NHLRC4: variants seen among roughly 807,000 people sequenced by gnomAD.
NHLRC4 encodes the protein NHL repeat containing 4, also known as NHL-repeat-containing protein 4.
For missense variants in NHLRC4, 158 were observed against 155.4 expected (o/e 1.02, Z -0.09); for synonymous variants, 73 against 69.0 (o/e 1.06, Z -0.29).
intron 1 of NHLRC4, 140 bp downstream of exon 1, chr16:567,215 C>G (rs571667948): frequency 3.9e-5 from 6 of 152,432 alleles, no homozygotes; most frequent in Admixed American, 3.9e-4. Context: ...ACCGCCCCCC[C>G]GCCGTAGAAA....
Position 568,510 on chromosome 16 carries a change from G to A in NHLRC4, c.*91G>A, listed in dbSNP as rs2035569243. ...GGGAGGAACCCTCAGGATGGGTGGAGCCTCCAGGCTATGGGCATTGCCTGC... is the reference window on the plus strand; with the variant it reads ...GGGAGGAACCCTCAGGATGGGTGGAACCTCCAGGCTATGGGCATTGCCTGC... On this transcript the variant is annotated 3_prime_UTR_variant, in exon 2 of 2. Coordinates refer to ENST00000424439, the MANE Select transcript of NHLRC4 (RefSeq NM_001301159.2). The A allele has an allele frequency of 4.3e-6, 6 of 1,400,412 alleles. No individual in the cohort carries two copies. Among genetic ancestry groups the A allele is most frequent in the Non-Finnish European group, 5.7e-6 (6 of 1,046,274 alleles). The allele number at this position is 1,400,412 out of a possible 1,614,324, so 86.7% of individuals were successfully genotyped here.
chr16:568,389 G>C lies in NHLRC4; in HGVS notation c.342G>C (p.Lys114Asn). Residue 114 changes from lysine to asparagine, a missense_variant, in exon 2 of 2, where the codon AAG (lysine) becomes AAC (asparagine). Lys to Asn is a moderately conservative substitution (Grantham distance 94). Coordinates refer to ENST00000424439, the MANE Select transcript of NHLRC4 (RefSeq NM_001301159.2). ...LVADAKDNSI[K>N]VYQGLKELA ...CTGATGCCAAGGACAACTCCATCAAGGTGTACCAGGGCCTCAAGGAGCTGG... is the reference window on the plus strand; with the variant it reads ...CTGATGCCAAGGACAACTCCATCAACGTGTACCAGGGCCTCAAGGAGCTGG... The C allele has an allele frequency of 6.2e-7, 1 of 1,611,612 alleles. No individual in the cohort carries two copies. Among genetic ancestry groups the C allele is most frequent in the Non-Finnish European group, 8.5e-7 (1 of 1,179,620 alleles).
chr16:567,770 C>T lies in NHLRC4; in HGVS notation c.-278C>T, dbSNP rs186667504. Reference sequence around the variant, plus strand: ...GAGGGACGCCCCATCTGCCTCCTGCCCTGCCGCACTCCGGGGAGCGGGGCC... The same window carrying T: ...GAGGGACGCCCCATCTGCCTCCTGCTCTGCCGCACTCCGGGGAGCGGGGCC... On this transcript the variant is annotated 5_prime_UTR_variant, in exon 2 of 2. Transcript: ENST00000424439. 458 of 436,066 alleles carry T rather than the reference C, an allele frequency of 1.1e-3. 11 individuals carry two copies. The East Asian group carries it at 0.018, about 17-fold the overall frequency. The allele number at this position is 436,066 out of a possible 1,614,324, so 27.0% of individuals were successfully genotyped here. A position where few individuals can be genotyped will look rare whatever the true frequency, so the allele number is the denominator to read the frequency against.
In NHLRC4 at chr16:568,966, G is replaced by A. The variant is rs2097539; in HGVS notation, c.*547G>A. On this transcript the variant is annotated 3_prime_UTR_variant, in exon 2 of 2. Coordinates refer to ENST00000424439, the MANE Select transcript of NHLRC4 (RefSeq NM_001301159.2). ...AGGGACCTAGAGTCCTGAGCCTCCA[G>A]TAGCTTCTCTGGGCCTGGCAGAGGT... 6.0e-6 allele frequency: 1 copy of A among 167,298 alleles called. No individual in the cohort carries two copies. Among genetic ancestry groups the A allele is most frequent in the Non-Finnish European group, 1.4e-5 (1 of 70,300 alleles). 10.4% of individuals were successfully genotyped at this position (167,298 alleles called of 1,614,324 possible).
In NHLRC4 at chr16:568,143, T is replaced by G. The variant is rs750603276; in HGVS notation, c.96T>G (p.Ser32Arg). Residue 32 changes from serine to arginine, a missense_variant, in exon 2 of 2, where the codon AGT becomes AGG. Coordinates refer to ENST00000424439, the MANE Select transcript of NHLRC4 (RefSeq NM_001301159.2). ...TTGGGGATGTGAGGCTGTTTGGCAGTGCCCGCCAACCCCTGGGCTCCCTGG... is the reference window on the plus strand; with the variant it reads ...TTGGGGATGTGAGGCTGTTTGGCAGGGCCCGCCAACCCCTGGGCTCCCTGG... ...EEFGDVRLFG[S>R]ARQPLGSLGG... 2.5e-6 allele frequency: 4 copies of G among 1,607,448 alleles called. No individual in the cohort carries two copies. The East Asian group carries it at 8.9e-5, about 36-fold the overall frequency.
chr16:567,875 T>C lies in NHLRC4; in HGVS notation c.-173T>C. The C allele has an allele frequency of 1.5e-6, 1 of 662,432 alleles. No homozygotes were observed. The highest frequency in any genetic ancestry group is 2.8e-5 in the East Asian group (1 of 35,308). The allele number at this position is 662,432 out of a possible 1,614,324, so 41.0% of individuals were successfully genotyped here. ...CCCATCCATGGGGCTGTCCATGCAC[T>C]CCAGCACACAGCCCGGGACCCCGGG... On this transcript the variant is annotated 5_prime_UTR_variant, in exon 2 of 2. Coordinates refer to ENST00000424439, the MANE Select transcript of NHLRC4 (RefSeq NM_001301159.2).
Position 567,922 on chromosome 16 carries a change from A to G in NHLRC4, c.-126A>G. 1 of 1,034,718 alleles carries G rather than the reference A, an allele frequency of 9.7e-7. No individual in the cohort carries two copies. Among genetic ancestry groups the G allele is most frequent in the Non-Finnish European group, 1.4e-6 (1 of 735,310 alleles). The allele number at this position is 1,034,718 out of a possible 1,614,324, so 64.1% of individuals were successfully genotyped here. A position where few individuals can be genotyped will look rare whatever the true frequency, so the allele number is the denominator to read the frequency against. On this transcript the variant is annotated 5_prime_UTR_variant, in exon 2 of 2. Coordinates refer to ENST00000424439, the MANE Select transcript of NHLRC4 (RefSeq NM_001301159.2). ...CGGGGGCCACTGGGTGACAGTGGGC[A>G]CCTTCCTGTCTCCCCGAGGGCTGGC...
At position 568,207 on chromosome 16, in the gene NHLRC4, A is replaced by G. The variant is rs1287231397; in HGVS notation, c.160A>G (p.Ile54Val). 1 of 1,612,042 alleles carries G rather than the reference A, an allele frequency of 6.2e-7. No individual in the cohort carries two copies. Among genetic ancestry groups the G allele is most frequent in the East Asian group, 2.2e-5 (1 of 44,848 alleles). The stretch of plus-strand genomic sequence containing the variant: ...GCACACTTTCGGCTGCCCAGCGGGC[A>G]TCTGCTCCAACTCAGAGGGCAATGT... ...TGHTFGCPAG[I>V]CSNSEGNVIV... Residue 54 changes from isoleucine to valine, a missense_variant, in exon 2 of 2, where the codon ATC (isoleucine) becomes GTC (valine). Physicochemically the swap from Ile to Val is conservative, Grantham distance 29 (BLOSUM62 3). Transcript: ENST00000424439.
Position 567,623 on chromosome 16 carries a change from T to C in NHLRC4, c.-425T>C, listed in dbSNP as rs2035553605. The C allele has an allele frequency of 5.8e-6, 1 of 172,546 alleles. No individual in the cohort carries two copies. Among genetic ancestry groups the C allele is most frequent in the Non-Finnish European group, 1.3e-5 (1 of 79,220 alleles). The allele number at this position is 172,546 out of a possible 1,614,324, so 10.7% of individuals were successfully genotyped here. A position where few individuals can be genotyped will look rare whatever the true frequency, so the allele number is the denominator to read the frequency against. On this transcript the variant is annotated 5_prime_UTR_variant, in exon 2 of 2. Transcript: ENST00000424439. ...TCCACGGGCTCCCGGCAGCTCCGGC[T>C]GCTTGGGTGGATCCGGGTGCCCGCA...
In NHLRC4 at chr16:568,501, A is replaced by G. The variant is rs1289539765; in HGVS notation, c.*82A>G. ...GATCACCGCGGGAGGAACCCTCAGGATGGGTGGAGCCTCCAGGCTATGGGC... is the reference window on the plus strand; with the variant it reads ...GATCACCGCGGGAGGAACCCTCAGGGTGGGTGGAGCCTCCAGGCTATGGGC... On this transcript the variant is annotated 3_prime_UTR_variant, in exon 2 of 2. Coordinates refer to ENST00000424439, the MANE Select transcript of NHLRC4 (RefSeq NM_001301159.2). 2 of 1,435,302 alleles carry G rather than the reference A, an allele frequency of 1.4e-6. No individual in the cohort carries two copies. The highest frequency in any genetic ancestry group is 1.9e-6 in the Non-Finnish European group (2 of 1,072,404). 88.9% of individuals were successfully genotyped at this position (1,435,302 alleles called of 1,614,324 possible).
At position 568,218 on chromosome 16, in the gene NHLRC4, C is replaced by T. The variant is rs745378932; in HGVS notation, c.171C>T (p.Asn57=). The T allele has an allele frequency of 1.9e-6, 3 of 1,612,294 alleles. No individual in the cohort carries two copies. The highest frequency in any genetic ancestry group is 3.3e-5 in the Admixed American group (2 of 59,928). The change falls in exon 2 of 2, where the codon AAC becomes AAT. Residue 57 remains asparagine (N), a synonymous_variant. Transcript: ENST00000424439. ...GCTGCCCAGCGGGCATCTGCTCCAA[C>T]TCAGAGGGCAATGTTATTGTGGCAG... ...TFGCPAGICS[N]SEGNVIVADE...
In NHLRC4 at chr16:569,401, T is replaced by A. The variant is rs535561476; in HGVS notation, c.*982T>A. 1 of 166,644 alleles carries A rather than the reference T, an allele frequency of 6.0e-6. No homozygotes were observed. Among genetic ancestry groups the A allele is most frequent in the Admixed American group, 6.5e-5 (1 of 15,286 alleles). 10.3% of individuals were successfully genotyped at this position (166,644 alleles called of 1,614,324 possible). On this transcript the variant is annotated 3_prime_UTR_variant, in exon 2 of 2. Coordinates refer to ENST00000424439, the MANE Select transcript of NHLRC4 (RefSeq NM_001301159.2). ...TGGGGCTCCCCTGTATCACAGGACATCCCCCCTGAGAGGTCCCTCATATGT... is the reference window on the plus strand; with the variant it reads ...TGGGGCTCCCCTGTATCACAGGACAACCCCCCTGAGAGGTCCCTCATATGT...
rs2035567791 is a variant in NHLRC4, at chr16:568,411, C to T, written c.364C>T (p.Leu122=). ...SIKVYQGLKE[L]A Reference sequence around the variant, plus strand: ...CAAGGTGTACCAGGGCCTCAAGGAGCTGGCCTGACCTGAGGCTGGGTTGGA... The same window carrying T: ...CAAGGTGTACCAGGGCCTCAAGGAGTTGGCCTGACCTGAGGCTGGGTTGGA... Residue 122 remains leucine (L), a synonymous_variant, in exon 2 of 2, where the codon CTG becomes TTG. Transcript: ENST00000424439. 3.7e-6 allele frequency: 6 copies of T among 1,609,014 alleles called. No homozygotes were observed. The African/African-American group carries it at 4.0e-5, about 11-fold the overall frequency.
rs2035552886 is a variant in NHLRC4 at position 567,550 on chromosome 16, A to T, written c.-498A>T. The T allele has an allele frequency of 6.3e-6, 1 of 158,280 alleles. No homozygotes were observed. The highest frequency in any genetic ancestry group is 6.2e-5 in the Admixed American group (1 of 16,010). 9.8% of individuals were successfully genotyped at this position (158,280 alleles called of 1,614,324 possible). A position where few individuals can be genotyped will look rare whatever the true frequency, so the allele number is the denominator to read the frequency against. On this transcript the variant is annotated 5_prime_UTR_variant, in exon 2 of 2. Transcript: ENST00000424439. ...TGAGACGGTGATTCGGACTGACTGG[A>T]CTCTGGCCTCCAGGTGTCTGCACCT...
Position 568,727 on chromosome 16 carries a change from C to T in NHLRC4, c.*308C>T, listed in dbSNP as rs2035571920. On this transcript the variant is annotated 3_prime_UTR_variant, in exon 2 of 2. Coordinates refer to ENST00000424439, the MANE Select transcript of NHLRC4 (RefSeq NM_001301159.2). ...GGCCCCTGCATTCATGCCCCCCACA[C>T]CCCCTCAGGCCCTGTGCCTGGACTT... 2 of 341,318 alleles carry T rather than the reference C, an allele frequency of 5.9e-6. No homozygotes were observed. Among genetic ancestry groups the T allele is most frequent in the Admixed American group, 4.4e-5 (1 of 22,486 alleles). 21.1% of individuals were successfully genotyped at this position (341,318 alleles called of 1,614,324 possible).
Position 567,012 on chromosome 16 carries a change from G to A in NHLRC4, c.-641G>A, listed in dbSNP as rs1321563786. The A allele has an allele frequency of 1.3e-5, 2 of 154,736 alleles. No individual in the cohort carries two copies. Among genetic ancestry groups the A allele is most frequent in the African/African-American group, 4.8e-5 (2 of 41,488 alleles). The allele number at this position is 154,736 out of a possible 1,614,324, so 9.6% of individuals were successfully genotyped here. ...GCTCCTCCCACTTCCTCCAGTTCTA[G>A]TTTCCAACAACAGAGGCTGCAGCCA... On this transcript the variant is annotated 5_prime_UTR_variant, in exon 1 of 2. Transcript: ENST00000424439.
At position 568,673 on chromosome 16, in the gene NHLRC4, T is replaced by C. The variant is rs2151040396; in HGVS notation, c.*254T>C. Reference sequence around the variant, plus strand: ...GGCCTGCAGCCTCCCCAGCCAGGGCTGCTCTCTGCTGTCCCCATTCAGTGC... The same window carrying C: ...GGCCTGCAGCCTCCCCAGCCAGGGCCGCTCTCTGCTGTCCCCATTCAGTGC... On this transcript the variant is annotated 3_prime_UTR_variant, in exon 2 of 2. Transcript: ENST00000424439. 1 of 550,136 alleles carries C rather than the reference T, an allele frequency of 1.8e-6. No individual in the cohort carries two copies. The highest frequency in any genetic ancestry group is 3.3e-6 in the Non-Finnish European group (1 of 307,022). 34.1% of individuals were successfully genotyped at this position (550,136 alleles called of 1,614,324 possible). A position where few individuals can be genotyped will look rare whatever the true frequency, so the allele number is the denominator to read the frequency against.
At position 568,115 on chromosome 16, in the gene NHLRC4, A is replaced by G; in HGVS notation, c.68A>G (p.Glu23Gly). The G allele has an allele frequency of 6.3e-7, 1 of 1,590,124 alleles. No individual in the cohort carries two copies. The highest frequency in any genetic ancestry group is 8.6e-7 in the Non-Finnish European group (1 of 1,167,912). ...GPDGGLAVSE[E>G]FGDVRLFGSA... ...GATGGGGGCCTTGCTGTGAGTGAGG[A>G]GTTTGGGGATGTGAGGCTGTTTGGC... The change falls in exon 2 of 2, where the codon GAG becomes GGG. Residue 23 changes from glutamate (E) to glycine (G), a missense_variant. Transcript: ENST00000424439.
In NHLRC4 at chr16:569,299, G is replaced by A. The variant is rs1391790522; in HGVS notation, c.*880G>A. On this transcript the variant is annotated 3_prime_UTR_variant, in exon 2 of 2. Transcript: ENST00000424439. ...CGTCTGGGTTACTCCGTGGGTCTGG[G>A]GTCCAGGGAAGGGCCTGTATGGGGG... The A allele has an allele frequency of 6.0e-6, 1 of 167,116 alleles. No individual in the cohort carries two copies. The highest frequency in any genetic ancestry group is 2.4e-5 in the African/African-American group (1 of 41,454). 10.4% of individuals were successfully genotyped at this position (167,116 alleles called of 1,614,324 possible). A position where few individuals can be genotyped will look rare whatever the true frequency, so the allele number is the denominator to read the frequency against.
Sources: gnomAD v4.1 joint callset for allele counts on GRCh38, gnomAD v4.1.1 for gene constraint, MANE v1.5 for transcripts, NCBI Gene and HGNC (gene_info 2026-07-23, HGNC 2026-07-21) for gene names.